Variants in MAGED1 observed in about 807,000 individuals in gnomAD.
MAGED1 encodes MAGE family member D1, also known as melanoma-associated antigen D1.
In MAGED1, 3 loss-of-function variants were observed where a neutral mutation model predicts 54.1. The ratio of observed to expected loss-of-function variants is 0.06; its 90% confidence interval spans 0.03 to 0.14. MAGED1 has a LOEUF of 0.14. Among genes scored for constraint, MAGED1 ranks in the 10% least tolerant of loss-of-function variants. MAGED1 has a pLI of 1.00. For missense variants in MAGED1, 485 were observed against 623.4 expected (o/e 0.78, Z 2.36); for synonymous variants, 217 against 227.3 (o/e 0.95, Z 0.41).
At chrX:51,844,109 T>G (rs1170506712) in intron 1 of MAGED1, among the ~76,000 whole-genome samples, 1 of 111,571 alleles carries the variant, frequency 9.0e-6, no homozygotes, top group Non-Finnish European at 1.9e-5. Flanking sequence ...TAAGGAACAT[T>G]TTATTGCTCC....
chrX:51,900,071 C>T (rs1163574536), intron 10 of MAGED1, 111 bp from the exon 11 acceptor site: 1 of 514,975 alleles, frequency 1.9e-6, no homozygotes, highest in African/African-American at 2.4e-5. Flanking sequence ...AGGAATGAGC[C>T]CAAGGGGGAG....
chrX:51,901,434 A>T (rs1289423096), intron 11 of MAGED1, 119 bp from the exon 12 acceptor site: 1 of 629,272 alleles, frequency 1.6e-6, no homozygotes, highest in Non-Finnish European at 2.3e-6. Context: ...ATAGTATTCC[A>T]TTGTGTGTGT....
intron 1 of MAGED1, among the ~76,000 whole-genome samples, chrX:51,836,214 T>A (rs1356747844): frequency 5.6e-5 from 6 of 106,312 alleles, no homozygotes; most frequent in African/African-American, 1.0e-4. Flanking sequence ...TTTTTTTTTT[T>A]ATTTTGTAAT....
At chrX:51,833,538 A>G (rs1926143232) in intron 1 of MAGED1, among the ~76,000 whole-genome samples, 1 of 111,696 alleles carries the variant, frequency 9.0e-6, no homozygotes. Context: ...ATGTTTGAAG[A>G]TTCTTAATCT....
chrX:51,849,867 C>T (rs916527842), intron 1 of MAGED1, among the ~76,000 whole-genome samples: 1 of 111,295 alleles, frequency 9.0e-6, no homozygotes, highest in Non-Finnish European at 1.9e-5. Flanking sequence ...TAATTTTTTT[C>T]CCTTTTCCTT....
chrX:51,894,798 C>T, intron 2 of MAGED1: 1 of 1,142,433 alleles, frequency 8.8e-7, no homozygotes, highest in Non-Finnish European at 1.2e-6. Context: ...GGCTCCTGTT[C>T]GTGCCCACTT....
rs1557364119 is a variant in MAGED1 at position 51,895,497 on chromosome X, T to C, written c.490T>C (p.Ser164Pro). 1 of 1,210,045 alleles carries C rather than the reference T, an allele frequency of 8.3e-7. No individual in the cohort carries two copies. The highest frequency in any genetic ancestry group is 2.2e-5 in the Admixed American group (1 of 45,884). The change falls in exon 3 of 13, where the codon TCT becomes CCT. Residue 164 changes from serine (S) to proline (P), a missense_variant. By Grantham distance (74) the Ser-to-Pro change is moderately conservative. This residue lies in a region of MAGED1 where 299 missense variants were observed against 293.1 expected (regional missense o/e 1.02). Coordinates refer to ENST00000326587, the MANE Select transcript of MAGED1 (RefSeq NM_006986.4). ...GGGCCCAAATGCCACCTACAATTTC[T>C]CTCAGTCTCTCAATGCCAATGACCT... Reference protein sequence around the residue: ...KVGPNATYNFSQSLNANDLAN... With the variant: ...KVGPNATYNFPQSLNANDLAN...
At chrX:51,894,424 C>CA in intron 2 of MAGED1, 75 bp downstream of exon 2, 3 of 999,536 alleles carry the variant, frequency 3.0e-6, no homozygotes, top group Non-Finnish European at 4.2e-6. Flanking sequence ...TTTGGTCTCC[C>CA]AAACGCCGGG....
At chrX:51,842,979 G>A (rs781880046) in intron 1 of MAGED1, among the ~76,000 whole-genome samples, 8 of 111,752 alleles carry the variant, frequency 7.2e-5, no homozygotes, top group East Asian at 2.8e-4. Context: ...ATAGGCATGT[G>A]CCACTACACC....
chrX:51,868,142 G>A (rs1166839011), intron 1 of MAGED1, among the ~76,000 whole-genome samples: 1 of 112,254 alleles, frequency 8.9e-6, no homozygotes. Flanking sequence ...ATCAAACATT[G>A]TACCTTTAGA....
Position 51,894,923 on chromosome X carries a change from G to GC in MAGED1, c.46-124dup, listed in dbSNP as rs782363378. The GC allele has an allele frequency of 5.1e-5, 46 of 901,607 alleles. No individual in the cohort carries two copies. In the African/African-American group the frequency reaches 8.4e-4, roughly 17 times the overall value. 74.3% of individuals were successfully genotyped at this position (901,607 alleles called of 1,213,427 possible). A position where few individuals can be genotyped will look rare whatever the true frequency, so the allele number is the denominator to read the frequency against. ...GCGGGCCCCCTAGATCTCTGCCTCA[G>GC]CCCCCCTGTTTTTGCACCCACCGCC... On this transcript the variant is annotated intron_variant, in intron 2 of 12. Transcript: ENST00000326587.
chrX:51,817,350 C>A (rs1395860745), intron 1 of MAGED1, among the ~76,000 whole-genome samples: 1 of 111,858 alleles, frequency 8.9e-6, no homozygotes, highest in African/African-American at 3.3e-5. Flanking sequence ...ATGAATGGCA[C>A]CTAATGGTGG....
chrX:51,893,852 C>T (rs1928563471), intron 1 of MAGED1, 97 bp downstream of exon 1: 1 of 113,988 alleles, frequency 8.8e-6, no homozygotes, highest in Non-Finnish European at 1.8e-5. Context: ...AATCCCCTTC[C>T]ACCCCCCAAA....
chrX:51,827,687 G>A (rs1925904953), intron 1 of MAGED1, among the ~76,000 whole-genome samples: 1 of 111,472 alleles, frequency 9.0e-6, no homozygotes, highest in Admixed American at 9.6e-5. Flanking sequence ...CAGTTTTTAT[G>A]TGAACCTAAA....
At chrX:51,814,050 A>G (rs1341250839) in intron 1 of MAGED1, among the ~76,000 whole-genome samples, 4 of 111,466 alleles carry the variant, frequency 3.6e-5, no homozygotes, top group African/African-American at 1.3e-4. Context: ...AACCATGTCT[A>G]TGACTAGCTG....
intron 7 of MAGED1, 97 bp downstream of exon 7, chrX:51,897,983 G>A (rs1928839618): frequency 1.1e-6 from 1 of 881,726 alleles, no homozygotes; most frequent in African/African-American, 2.0e-5. Flanking sequence ...GGGTCACATA[G>A]CAGGTCATGG....
upstream of MAGED1, among the ~76,000 whole-genome samples, chrX:51,892,422 G>C (rs782440119): frequency 1.8e-5 from 2 of 112,293 alleles, no homozygotes; most frequent in South Asian, 7.6e-4. Flanking sequence ...AGCCCTGAAA[G>C]GAACCAGGGC....
intron 1 of MAGED1, among the ~76,000 whole-genome samples, chrX:51,888,260 T>A (rs1602263832): frequency 8.9e-6 from 1 of 111,781 alleles, no homozygotes; most frequent in East Asian, 2.8e-4. Context: ...ATGTACCCCA[T>A]GAATATATAT....
intron 1 of MAGED1, among the ~76,000 whole-genome samples, chrX:51,860,651 T>TAGA (rs782035605): frequency 1.4e-3 from 155 of 110,784 alleles, no homozygotes; most frequent in Non-Finnish European, 2.5e-3. Context: ...GGGTTACAGA[T>TAGA]AGAAATCAGA....
Sources: gnomAD v4.1 joint callset for allele counts (sites outside exome capture counted in the v4.1 genomes callset) on GRCh38, gnomAD v4.1.1 for gene constraint, gnomAD v4.1.1 regional missense constraint, MANE v1.5 for transcripts, NCBI Gene and HGNC (gene_info 2026-07-23, HGNC 2026-07-21) for gene names.